Variants in SDK2 observed in about 807,000 individuals in gnomAD.
SDK2 encodes the protein protein sidekick-2.
A neutral mutation model predicts 253.9 loss-of-function variants in SDK2; 105 were observed. That is an observed-to-expected ratio of 0.41 (90% CI 0.35 to 0.49). The LOEUF (loss-of-function observed/expected upper bound fraction) is 0.49. Ranked by LOEUF, SDK2 falls within the 20% of genes least tolerant of loss-of-function variation. The probability of loss-of-function intolerance (pLI) is 0.06; values close to 1 mark genes in which losing one functional copy is unlikely to be tolerated. For synonymous variants in SDK2, 1,249 were observed against 1,234.9 expected (o/e 1.01, Z -0.24); for missense variants, 2,608 against 3,003.0 (o/e 0.87, Z 3.07).
At chr17:73,430,330 C>G (rs1372815548) in intron 12 of SDK2, among the ~76,000 whole-genome samples, 181 bp downstream of exon 12, 1 of 152,162 alleles carries the variant, frequency 6.6e-6, no homozygotes. Flanking sequence ...GCTCAGTTCC[C>G]GGGTGTTTAT....
At position 73,449,837 on chromosome 17, in the gene SDK2, C is replaced by G. The variant is rs200564371; in HGVS notation, c.480-2089G>C. 3.3e-5 allele frequency among the ~76,000 whole-genome samples: 5 copies of G among 152,074 alleles called. No homozygotes were observed. The East Asian group carries it at 9.7e-4, about 29-fold the overall frequency. ...ACTCGGGAGGCTGAGGCAGGAAAAT[C>G]GCTTGAACCTGGGAGGCAGAGGTTG... is the stretch of plus-strand genomic sequence containing the variant. On this transcript the variant is annotated intron_variant, in intron 4 of 44. Transcript: ENST00000392650.
rs1351025401 is a variant in SDK2, at chr17:73,379,192, G to A, written c.4965C>T (p.Asp1655=). The change falls in exon 36 of 45, where the codon GAC becomes GAT. Residue 1655 remains aspartate (D), a synonymous_variant. Transcript: ENST00000392650. The surrounding 1 kb of genome is among the most constrained non-coding windows in gnomAD (Gnocchi z 4.5). Reference sequence around the variant, plus strand: ...GGCACCCTACCTTGTACCCCTGGATGTCTCCATTCTGGCTGTCCAGCGGAG... The same window carrying A: ...GGCACCCTACCTTGTACCCCTGGATATCTCCATTCTGGCTGTCCAGCGGAG... ...EPPPLDSQNG[D]IQGYKIYFWE... is the part of the protein sequence containing the mutation. The A allele has an allele frequency of 6.4e-7, 1 of 1,557,204 alleles. No individual in the cohort carries two copies. The highest frequency in any genetic ancestry group is 1.4e-5 in the African/African-American group (1 of 73,338).
rs2145659920 is a variant in SDK2 at position 73,455,217 on chromosome 17, C to T, written c.479+689G>A. Among the ~76,000 whole-genome samples, 1 of 152,220 alleles carries T rather than the reference C, an allele frequency of 6.6e-6. No homozygotes were observed. The highest frequency in any genetic ancestry group is 2.4e-5 in the African/African-American group (1 of 41,548). ...GGAGTTGGAAAGAGGAGAGCCCCAGCTGCCTCCAGACCCGGGGGTGGCTCA... is the reference window on the plus strand; with the variant it reads ...GGAGTTGGAAAGAGGAGAGCCCCAGTTGCCTCCAGACCCGGGGGTGGCTCA... On this transcript the variant is annotated intron_variant, in intron 4 of 44. Transcript: ENST00000392650. The surrounding 1 kb of genome is among the most constrained non-coding windows in gnomAD (Gnocchi z 5.0).
intron 1 of SDK2, among the ~76,000 whole-genome samples, chr17:73,588,206 C>CCT (rs1491115889): frequency 4.3e-5 from 6 of 140,562 alleles, no homozygotes; most frequent in African/African-American, 1.7e-4. Flanking sequence ...GACCCCCCCC[C>CCT]CTCCCCCGCC....
rs199537367 is a variant in SDK2, at chr17:73,358,143, G to A, written c.5529C>T (p.His1843=). ...IVRYSSAIAI[H]WSSGDPGKGP... Reference sequence around the variant, plus strand: ...CTTTGCCCGGGTCTCCGCTGGACCAGTGAATGGCGATGGCAGAGCTGTACC... The same window carrying A: ...CTTTGCCCGGGTCTCCGCTGGACCAATGAATGGCGATGGCAGAGCTGTACC... The change falls in exon 40 of 45, where the codon CAC becomes CAT. Residue 1843 remains histidine, a synonymous_variant. Transcript: ENST00000392650. 1.9e-4 allele frequency: 301 copies of A among 1,613,234 alleles called. No homozygotes were observed. Among genetic ancestry groups the A allele is most frequent in the South Asian group, 4.7e-4 (43 of 91,038 alleles).
chr17:73,415,725 G>A (rs893386163), intron 17 of SDK2, 86 bp downstream of exon 17: 17 of 1,244,176 alleles, frequency 1.4e-5, no homozygotes, highest in Admixed American at 2.2e-5. Flanking sequence ...CTGGGCTTGA[G>A]CAATCCTCCC....
chr17:73,349,687 G>A (rs1304992220), intron 43 of SDK2, among the ~76,000 whole-genome samples: 1 of 152,238 alleles, frequency 6.6e-6, no homozygotes, highest in Non-Finnish European at 1.5e-5. Flanking sequence ...GCCCTTTGAG[G>A]CTGATGGGGA....
intron 1 of SDK2, among the ~76,000 whole-genome samples, chr17:73,536,872 G>T (rs948538523): frequency 1.3e-5 from 2 of 152,106 alleles, no homozygotes; most frequent in African/African-American, 4.8e-5. Context: ...GTCTAATCTC[G>T]GCCTCCTGAG....
At chr17:73,529,970 C>T (rs1474800377) in intron 1 of SDK2, among the ~76,000 whole-genome samples, 1 of 152,214 alleles carries the variant, frequency 6.6e-6, no homozygotes, top group South Asian at 2.1e-4. Context: ...ATGCAGGACC[C>T]ATTCCTGCTG....
At chr17:73,580,135 G>C (rs1319712021) in intron 1 of SDK2, among the ~76,000 whole-genome samples, 2 of 152,112 alleles carry the variant, frequency 1.3e-5, no homozygotes, top group Non-Finnish European at 1.5e-5. Flanking sequence ...CCAGGACTGC[G>C]GAACAATTCA....
intron 1 of SDK2, among the ~76,000 whole-genome samples, chr17:73,594,360 C>T (rs1462758812): frequency 1.3e-5 from 2 of 152,162 alleles, no homozygotes; most frequent in Non-Finnish European, 2.9e-5. Context: ...TGGTCTCAAG[C>T]CCTTCTCCTG....
chr17:73,422,402 C>A lies in SDK2; in HGVS notation c.1930G>T (p.Asp644Tyr). 1 of 1,613,934 alleles carries A rather than the reference C, an allele frequency of 6.2e-7. No individual in the cohort carries two copies. Among genetic ancestry groups the A allele is most frequent in the Non-Finnish European group, 8.5e-7 (1 of 1,179,876 alleles). ...ACTGTCACTGAGGTAGCTTTGGGGT[C>A]CACACTGGCCAGGAGTACAGTCCAG... ...APWTVLLASV[D>Y]PKATSVTVKG... The change falls in exon 15 of 45, where the codon GAC (aspartate) becomes TAC (tyrosine). Residue 644 changes from aspartate (D) to tyrosine (Y), a missense_variant. By Grantham distance (160) the Asp-to-Tyr change is radical (BLOSUM62 -3). Coordinates refer to ENST00000392650, the MANE Select transcript of SDK2 (RefSeq NM_001144952.2).
At chr17:73,503,252 C>T (rs983286584) in intron 2 of SDK2, among the ~76,000 whole-genome samples, 3 of 152,222 alleles carry the variant, frequency 2.0e-5, no homozygotes, top group Non-Finnish European at 2.9e-5. Flanking sequence ...GATAAAGGTA[C>T]GTCCATCCGA....
intron 9 of SDK2, among the ~76,000 whole-genome samples, chr17:73,434,996 T>C (rs2063356038): frequency 6.6e-6 from 1 of 152,110 alleles, no homozygotes; most frequent in Non-Finnish European, 1.5e-5. Context: ...TGGCAACCCC[T>C]GACAGAGACT....
intron 1 of SDK2, among the ~76,000 whole-genome samples, chr17:73,576,039 C>G (rs990528267): frequency 6.6e-6 from 1 of 152,160 alleles, no homozygotes; most frequent in East Asian, 1.9e-4. Context: ...GAAGTTTGCA[C>G]CAAGGACAGA....
chr17:73,521,353 A>G (rs956605048), intron 1 of SDK2: 3 of 152,046 alleles, frequency 2.0e-5, no homozygotes, highest in Admixed American at 1.3e-4. Flanking sequence ...ATTTTATGTC[A>G]TGCAAATCTT....
intron 1 of SDK2, among the ~76,000 whole-genome samples, chr17:73,526,623 G>A (rs1470528730): frequency 3.9e-5 from 6 of 152,146 alleles, no homozygotes; most frequent in Non-Finnish European, 2.9e-5. Flanking sequence ...GTGTGTGTGT[G>A]TACATAGGTG....
intron 1 of SDK2, among the ~76,000 whole-genome samples, chr17:73,549,195 C>T (rs555576517): frequency 3.2e-4 from 49 of 152,270 alleles, no homozygotes; most frequent in African/African-American, 1.0e-3. Context: ...GCAGAGAAGC[C>T]GGAGTGAGGA....
intron 12 of SDK2, among the ~76,000 whole-genome samples, chr17:73,429,516 C>A (rs1020412414): frequency 6.6e-6 from 1 of 152,186 alleles, no homozygotes; most frequent in Non-Finnish European, 1.5e-5. Context: ...CCCGGAGTCT[C>A]ATTTGGGGGT....
Sources: allele counts gnomAD v4.1 joint callset (sites outside exome capture counted in the v4.1 genomes callset), GRCh38; gene constraint gnomAD v4.1.1; non-coding constraint Gnocchi (gnomAD v3.1); transcripts MANE v1.5; gene names NCBI Gene and HGNC (gene_info 2026-07-23, HGNC 2026-07-21).